FSIP2: variants seen among roughly 807,000 people sequenced by gnomAD.
FSIP2 encodes fibrous sheath interacting protein 2.
In FSIP2, 367 loss-of-function variants were observed where a neutral mutation model predicts 510.5. The observed-to-expected ratio is 0.72, with a 90% CI of 0.66 to 0.78. The LOEUF (loss-of-function observed/expected upper bound fraction) is 0.78. FSIP2 is among the 30% of genes least tolerant of loss of function. The pLI is 0.00. For missense variants in FSIP2, 7,594 were observed against 7,901.7 expected, an observed-to-expected ratio of 0.96 and a Z score of 1.48; for synonymous variants, 2,601 against 2,732.2, an observed-to-expected ratio of 0.95 and a Z score of 1.50.
In FSIP2 at chr2:185,789,363, G is replaced by C; in HGVS notation, c.2227G>C (p.Glu743Gln). 6.5e-7 allele frequency: 1 copy of C among 1,534,990 alleles called. No individual in the cohort carries two copies. ...VFVEQCEREKEILLSNAHIPS... is the reference protein window; with the variant it reads ...VFVEQCEREKQILLSNAHIPS... ...TGTTGAACAATGTGAACGTGAAAAA[G>C]AAATCTTGCTTTCCAATGCTCATAT... is the stretch of plus-strand genomic sequence containing the variant. Residue 743 changes from glutamate to glutamine, a missense_variant, in exon 16 of 23, where the codon GAA becomes CAA. Physicochemically the swap from Glu to Gln is conservative, Grantham distance 29. Transcript: ENST00000424728.
chr2:185,832,959 G>A, intron 22 of FSIP2, 131 bp from the exon 23 acceptor site: 1 of 691,804 alleles, frequency 1.4e-6, no homozygotes, highest in South Asian at 1.7e-5. Context: ...GCATAATGAT[G>A]CCATGAGAGT....
chr2:185,809,692 T>C (rs1312433006), intron 17 of FSIP2, among the ~76,000 whole-genome samples: 1 of 152,046 alleles, frequency 6.6e-6, no homozygotes, highest in Non-Finnish European at 1.5e-5. Context: ...TATTAGCCTT[T>C]CCCATTTGCC....
intron 13 of FSIP2, among the ~76,000 whole-genome samples, chr2:185,776,764 C>T (rs556691802): frequency 1.3e-5 from 2 of 152,120 alleles, no homozygotes; most frequent in African/African-American, 2.4e-5. Flanking sequence ...GACAGAGTCT[C>T]GCTCTGTTGC....
intron 13 of FSIP2, chr2:185,765,123 T>G (rs1471031917): frequency 6.6e-6 from 1 of 151,998 alleles, no homozygotes; most frequent in Non-Finnish European, 1.5e-5. Context: ...TTTTTCAACT[T>G]TACTGTCGGT....
At chr2:185,777,464 A>C (rs1692751852) in intron 13 of FSIP2, among the ~76,000 whole-genome samples, 1 of 150,288 alleles carries the variant, frequency 6.7e-6, no homozygotes, top group Non-Finnish European at 1.5e-5. Flanking sequence ...AAGTGGTAAA[A>C]GTGGGCTCCT....
chr2:185,767,332 A>T (rs892959746), intron 13 of FSIP2, among the ~76,000 whole-genome samples: 18 of 151,894 alleles, frequency 1.2e-4, no homozygotes, highest in African/African-American at 3.9e-4. Flanking sequence ...AAATAAAAAT[A>T]AAAAAATAAA....
At chr2:185,771,580 G>A (rs1468137537) in intron 13 of FSIP2, among the ~76,000 whole-genome samples, 1 of 152,194 alleles carries the variant, frequency 6.6e-6, no homozygotes, top group Non-Finnish European at 1.5e-5. Context: ...GCTGAGCAGA[G>A]GATCAGTTTC....
Position 185,804,876 on chromosome 2 carries a change from G to C in FSIP2, c.15570G>C (p.Leu5190Phe), listed in dbSNP as rs1382724420. The C allele has an allele frequency of 1.3e-6, 2 of 1,522,896 alleles. No homozygotes were observed. Among genetic ancestry groups the C allele is most frequent in the South Asian group, 1.2e-5 (1 of 81,588 alleles). The allele number at this position is 1,522,896 out of a possible 1,614,324, so 94.3% of individuals were successfully genotyped here. The change falls in exon 17 of 23, where the codon TTG becomes TTC. Residue 5190 changes from leucine to phenylalanine, a missense_variant. Physicochemically the swap from Leu to Phe is conservative, Grantham distance 22. Transcript: ENST00000424728. Reference sequence around the variant, plus strand: ...TGCAGTTAGAACCTATTGAAAATTTGGTCGACTCCATATGTAATAATATTT... The same window carrying C: ...TGCAGTTAGAACCTATTGAAAATTTCGTCGACTCCATATGTAATAATATTT... ...ESMQLEPIEN[L>F]VDSICNNILK...
rs1318827219 is a variant in FSIP2, at chr2:185,789,121, A to T, written c.1985A>T (p.Asp662Val). 1 of 1,535,220 alleles carries T rather than the reference A, an allele frequency of 6.5e-7. No individual in the cohort carries two copies. Among genetic ancestry groups the T allele is most frequent in the Non-Finnish European group, 8.7e-7 (1 of 1,146,090 alleles). ...GAAACAGGCACAAAAAAATCTAAGG[A>T]TGCTACCACTGAAACAGATAGCTTA... ...SFETGTKKSK[D>V]ATTETDSLGS... Residue 662 changes from aspartate to valine, a missense_variant, in exon 16 of 23, where the codon GAT (aspartate) becomes GTT (valine). Transcript: ENST00000424728.
rs1222086897 is a variant in FSIP2 at position 185,792,097 on chromosome 2, T to A, written c.4961T>A (p.Ile1654Asn). 6.5e-7 allele frequency: 1 copy of A among 1,534,036 alleles called. No homozygotes were observed. The highest frequency in any genetic ancestry group is 1.2e-5 in the South Asian group (1 of 84,022). Residue 1654 changes from isoleucine (I) to asparagine (N), a missense_variant, in exon 16 of 23, where the codon ATT becomes AAT. Transcript: ENST00000424728. ...KKVSSAILKV[I>N]QTELNVTSSD... ...GTATCAAGTGCTATTTTGAAGGTTA[T>A]TCAAACAGAATTAAATGTGACCTCA...
chr2:185,748,742 G>A lies in FSIP2; in HGVS notation c.870+1319G>A, dbSNP rs201744522. ...TGCCCATTAGACGTGGTCACTGACT[G>A]TAAGCATGATAACACCACAGGCTGC... On this transcript the variant is annotated intron_variant, in intron 7 of 22. Coordinates refer to ENST00000424728, the MANE Select transcript of FSIP2 (RefSeq NM_173651.4). Among the ~76,000 whole-genome samples the A allele has an allele frequency of 7.9e-5, 12 of 152,142 alleles. No individual in the cohort carries two copies. In the East Asian group the frequency reaches 1.4e-3, roughly 17 times the overall value.
At position 185,802,659 on chromosome 2, in the gene FSIP2, T is replaced by G; in HGVS notation, c.13353T>G (p.Thr4451=). 2.0e-6 allele frequency: 3 copies of G among 1,533,782 alleles called. No individual in the cohort carries two copies. The highest frequency in any genetic ancestry group is 1.7e-6 in the Non-Finnish European group (2 of 1,145,374). ...QDILSNISKS[T]EPSQSVPLYN... is the part of the protein sequence containing the mutation. ...TCCTTAGTAACATCAGTAAATCTAC[T>G]GAGCCAAGCCAGAGTGTACCTCTAT... is the stretch of plus-strand genomic sequence containing the variant. Residue 4451 remains threonine (T), a synonymous_variant, in exon 17 of 23, where the codon ACT becomes ACG. Coordinates refer to ENST00000424728, the MANE Select transcript of FSIP2 (RefSeq NM_173651.4).
chr2:185,768,662 G>A (rs931874294), intron 13 of FSIP2, among the ~76,000 whole-genome samples: 2 of 151,870 alleles, frequency 1.3e-5, no homozygotes, highest in African/African-American at 4.8e-5. Flanking sequence ...AGTCATACAT[G>A]TGCGGGTTTG....
chr2:185,745,505 A>G lies in FSIP2; in HGVS notation c.554A>G (p.Gln185Arg). Reference sequence around the variant, plus strand: ...CAACATTGTGATGTTGCACAAGTCCAAAACTGGTTGTTAAAGGAGGGCACT... The same window carrying G: ...CAACATTGTGATGTTGCACAAGTCCGAAACTGGTTGTTAAAGGAGGGCACT... ...IPQHCDVAQVQNWLLKEGTES... is the reference protein window; with the variant it reads ...IPQHCDVAQVRNWLLKEGTES... Residue 185 changes from glutamine to arginine, a missense_variant, in exon 5 of 23, where the codon CAA (glutamine) becomes CGA (arginine). Gln to Arg is a conservative substitution (Grantham distance 43). Coordinates refer to ENST00000424728, the MANE Select transcript of FSIP2 (RefSeq NM_173651.4). 6.5e-7 allele frequency: 1 copy of G among 1,535,690 alleles called. No homozygotes were observed. The highest frequency in any genetic ancestry group is 8.7e-7 in the Non-Finnish European group (1 of 1,146,494).
chr2:185,803,501 A>G lies in FSIP2; in HGVS notation c.14195A>G (p.Asn4732Ser), dbSNP rs1396211517. 6 of 1,532,008 alleles carry G rather than the reference A, an allele frequency of 3.9e-6. No homozygotes were observed. The highest frequency in any genetic ancestry group is 1.7e-6 in the Non-Finnish European group (2 of 1,144,664). The allele number at this position is 1,532,008 out of a possible 1,614,324, so 94.9% of individuals were successfully genotyped here. Reference protein sequence around the residue: ...DTKTLAARITNIILAEIFDFQ... With the variant: ...DTKTLAARITSIILAEIFDFQ... ...AAGACATTGGCTGCAAGAATAACTA[A>G]TATCATCCTGGCTGAAATTTTTGAT... The change falls in exon 17 of 23, where the codon AAT becomes AGT. Residue 4732 changes from asparagine to serine, a missense_variant. By Grantham distance (46) the Asn-to-Ser change is conservative. Coordinates refer to ENST00000424728, the MANE Select transcript of FSIP2 (RefSeq NM_173651.4).
At position 185,792,603 on chromosome 2, in the gene FSIP2, G is replaced by A; in HGVS notation, c.5467G>A (p.Val1823Ile). 3.3e-6 allele frequency: 5 copies of A among 1,534,038 alleles called. No individual in the cohort carries two copies. In the South Asian group the frequency reaches 6.0e-5, roughly 18 times the overall value. Residue 1823 changes from valine (V) to isoleucine (I), a missense_variant, in exon 16 of 23, where the codon GTT becomes ATT. Coordinates refer to ENST00000424728, the MANE Select transcript of FSIP2 (RefSeq NM_173651.4). ...TGATGAGCCAACTCCCCAAACATCT[G>A]TTCAATTTATGGATAAAATGATGGA... ...NVDEPTPQTS[V>I]QFMDKMMDPL...
chr2:185,797,009 C>CATAG lies in FSIP2; in HGVS notation c.9875_9878dup (p.Glu3293AspfsTer7). On this transcript the variant is annotated frameshift_variant, in exon 16 of 23. Transcript: ENST00000424728. LOFTEE classifies it high-confidence loss of function. ...CAGCATTAAAGCAAGTCTTGTCATTCATAGAAATGGGAAAAGGTGAAAATC... is the reference window on the plus strand; with the variant it reads ...CAGCATTAAAGCAAGTCTTGTCATTCATAGATAGAAATGGGAAAAGGTGAAAATC... The CATAG allele has an allele frequency of 6.5e-7, 1 of 1,535,148 alleles. No homozygotes were observed. The highest frequency in any genetic ancestry group is 8.7e-7 in the Non-Finnish European group (1 of 1,146,236).
rs766917024 is a variant in FSIP2 at position 185,805,326 on chromosome 2, TCCA to T, written c.16024_16026del (p.Pro5342del). 3 of 1,598,156 alleles carry T rather than the reference TCCA, an allele frequency of 1.9e-6. No individual in the cohort carries two copies. In the African/African-American group the frequency reaches 4.1e-5, roughly 22 times the overall value. On this transcript the variant is annotated inframe_deletion, in exon 17 of 23. Coordinates refer to ENST00000424728, the MANE Select transcript of FSIP2 (RefSeq NM_173651.4). ...CAAATGCTGAAAAAATGTTTTCTTT[TCCA>T]CCAATTGATAAAGAGACAGTTGATA...
chr2:185,747,454 T>A, intron 7 of FSIP2, 31 bp downstream of exon 7: 2 of 1,226,914 alleles, frequency 1.6e-6, no homozygotes, highest in Non-Finnish European at 2.3e-6. Context: ...TAACTTGAGC[T>A]GTTCGAAGAG....
Sources: allele counts gnomAD v4.1 joint callset (sites outside exome capture counted in the v4.1 genomes callset), GRCh38; gene constraint gnomAD v4.1.1; transcripts MANE v1.5; gene names NCBI Gene and HGNC (gene_info 2026-07-23, HGNC 2026-07-21).